FCRL1: variants seen among roughly 807,000 people sequenced by gnomAD.
The protein encoded by FCRL1 is Fc receptor-like protein 1.
A neutral mutation model predicts 49.2 loss-of-function variants in FCRL1; 34 were observed. The observed-to-expected ratio is 0.69, with a 90% CI of 0.53 to 0.92. The LOEUF (loss-of-function observed/expected upper bound fraction) is 0.92, where lower values mean the gene tolerates loss of function less well. Among genes scored for constraint, FCRL1 ranks in the 40% least tolerant of loss-of-function variants. FCRL1 has a pLI of 0.00. For missense variants in FCRL1, 524 were observed against 524.1 expected (o/e 1.00, Z 0.00); for synonymous variants, 218 against 201.6 (o/e 1.08, Z -0.69).
At chr1:157,797,534 G>A (rs929030880) in intron 9 of FCRL1, 9 of 598,742 alleles carry the variant, frequency 1.5e-5, no homozygotes, top group Admixed American at 8.9e-5. Flanking sequence ...TAAAATGTAG[G>A]CCATACAATG....
chr1:157,812,320 C>A (rs547251978), intron 1 of FCRL1, among the ~76,000 whole-genome samples: 26 of 152,256 alleles, frequency 1.7e-4, no homozygotes, highest in Admixed American at 1.4e-3. Flanking sequence ...AGAGCCAAAG[C>A]CACAACTGCA....
chr1:157,814,248 T>C (rs148490666), intron 1 of FCRL1, among the ~76,000 whole-genome samples: 6 of 152,168 alleles, frequency 3.9e-5, no homozygotes, highest in African/African-American at 1.4e-4. Context: ...TGGTTAAAAG[T>C]CAAAATGGTC....
chr1:157,819,947 C>T, intron 1 of FCRL1, 60 bp downstream of exon 1: 1 of 1,605,488 alleles, frequency 6.2e-7, no homozygotes, highest in Non-Finnish European at 8.5e-7. Context: ...TACAGCCCTT[C>T]AGGAAGCAGA....
intron 7 of FCRL1, 79 bp downstream of exon 7, chr1:157,799,979 C>G: frequency 7.3e-7 from 1 of 1,364,682 alleles, no homozygotes; most frequent in Middle Eastern, 1.9e-4. Flanking sequence ...AAAAAATGCT[C>G]AGGAGAGAAC....
At chr1:157,807,255 CCT>C in intron 1 of FCRL1, 133 bp from the exon 2 acceptor site, 1 of 755,490 alleles carries the variant, frequency 1.3e-6, no homozygotes, top group Non-Finnish European at 2.1e-6. Context: ...TCTCTTCCTC[CCT>C]CTTTCCCTCT....
intron 6 of FCRL1, among the ~76,000 whole-genome samples, chr1:157,801,193 T>G (rs2101832871): frequency 6.6e-6 from 1 of 152,250 alleles, no homozygotes; most frequent in South Asian, 2.1e-4. Flanking sequence ...CCCGGCCAAA[T>G]CATTACATTT....
chr1:157,797,917 C>T lies in FCRL1; in HGVS notation c.1137G>A (p.Glu379=), dbSNP rs780778901. Residue 379 remains glutamate, a synonymous_variant, in exon 9 of 11, where the codon GAG becomes GAA. Coordinates refer to ENST00000368176, the MANE Select transcript of FCRL1 (RefSeq NM_052938.5). ...YENVNVVSGD[E]VYSLAYYNQP... ...GGTTATAGTACGCCAGTGAATAAAC[C>T]TCATCCCCACTTACAACATTCACTG... The T allele has an allele frequency of 6.2e-7, 1 of 1,614,166 alleles. No individual in the cohort carries two copies. Among genetic ancestry groups the T allele is most frequent in the Non-Finnish European group, 8.5e-7 (1 of 1,180,028 alleles).
intron 3 of FCRL1, 86 bp downstream of exon 3, chr1:157,803,759 G>C: frequency 1.3e-6 from 2 of 1,492,304 alleles, no homozygotes; most frequent in Non-Finnish European, 1.8e-6. Flanking sequence ...TACTCTTGCA[G>C]AGATAGAACC....
intron 1 of FCRL1, among the ~76,000 whole-genome samples, chr1:157,812,121 C>G (rs967413125): frequency 6.6e-6 from 1 of 152,182 alleles, no homozygotes; most frequent in Non-Finnish European, 1.5e-5. Flanking sequence ...CAGCCTGGCA[C>G]CTCACCCCTG....
intron 1 of FCRL1, among the ~76,000 whole-genome samples, chr1:157,808,131 G>T (rs1653758055): frequency 6.6e-6 from 1 of 152,204 alleles, no homozygotes; most frequent in South Asian, 2.1e-4. Context: ...TGTCCATACA[G>T]CAAATAATTT....
intron 7 of FCRL1, 110 bp from the exon 8 acceptor site, chr1:157,798,353 G>A: frequency 1.1e-6 from 1 of 919,280 alleles, no homozygotes; most frequent in Non-Finnish European, 1.6e-6. Flanking sequence ...AGAATACTAA[G>A]TTACGGGGAA....
At chr1:157,805,661 C>G (rs1353533744) in intron 2 of FCRL1, among the ~76,000 whole-genome samples, 1 of 152,122 alleles carries the variant, frequency 6.6e-6, no homozygotes, top group African/African-American at 2.4e-5. Context: ...TTTGGGAGGC[C>G]GAGCCTGGTG....
At chr1:157,806,202 T>A (rs1032965418) in intron 2 of FCRL1, among the ~76,000 whole-genome samples, 1 of 152,184 alleles carries the variant, frequency 6.6e-6, no homozygotes, top group Non-Finnish European at 1.5e-5. Flanking sequence ...ACACAAGTCA[T>A]CAGTTATACT....
chr1:157,803,861 G>A lies in FCRL1; in HGVS notation c.303C>T (p.Ser101=), dbSNP rs752100804. 8.1e-5 allele frequency: 130 copies of A among 1,613,944 alleles called. No homozygotes were observed. The highest frequency in any genetic ancestry group is 5.7e-5 in the Non-Finnish European group (67 of 1,179,974). The change falls in exon 3 of 11, where the codon TCC becomes TCT. Residue 101 remains serine, a synonymous_variant. Coordinates refer to ENST00000368176, the MANE Select transcript of FCRL1 (RefSeq NM_052938.5). ...MASKVLRSRR[S]QINVHRVPVA... ...GACACTCACTGTGCACATTTATCTG[G>A]GATCTCCTGCTCCTCAAGACTTTGG... is the stretch of plus-strand genomic sequence containing the variant.
At chr1:157,808,735 A>G (rs907047478) in intron 1 of FCRL1, among the ~76,000 whole-genome samples, 2 of 152,212 alleles carry the variant, frequency 1.3e-5, no homozygotes, top group African/African-American at 4.8e-5. Flanking sequence ...GTTAGTGGGA[A>G]TTTAGTGTAG....
At position 157,803,898 on chromosome 1, in the gene FCRL1, T is replaced by G; in HGVS notation, c.266A>C (p.Gln89Pro). The change falls in exon 3 of 11, where the codon CAG (glutamine) becomes CCG (proline). Residue 89 changes from glutamine (Q) to proline (P), a missense_variant. Physicochemically the swap from Gln to Pro is moderately conservative, Grantham distance 76. Coordinates refer to ENST00000368176, the MANE Select transcript of FCRL1 (RefSeq NM_052938.5). Reference sequence around the variant, plus strand: ...CCTCAAGACTTTGGACGCCATTGTCTGTGCCTCGCACCAGTATGACCCTGT... The same window carrying G: ...CCTCAAGACTTTGGACGCCATTGTCGGTGCCTCGCACCAGTATGACCCTGT... ...EDTGSYWCEA[Q>P]TMASKVLRSR... 1 of 1,614,224 alleles carries G rather than the reference T, an allele frequency of 6.2e-7. No individual in the cohort carries two copies. The highest frequency in any genetic ancestry group is 8.5e-7 in the Non-Finnish European group (1 of 1,180,030).
intron 1 of FCRL1, among the ~76,000 whole-genome samples, chr1:157,815,004 T>G (rs1247418145): frequency 1.3e-5 from 2 of 151,948 alleles, no homozygotes; most frequent in Non-Finnish European, 2.9e-5. Flanking sequence ...AATATAATAA[T>G]AGTAGGGGAC....
At chr1:157,804,254 C>CA (rs955578099) in intron 2 of FCRL1, 143 bp from the exon 3 acceptor site, 7 of 937,692 alleles carry the variant, frequency 7.5e-6, no homozygotes, top group East Asian at 2.6e-5. Context: ...CCACCCCCCC[C>CA]CCAGTGGCCC....
intron 1 of FCRL1, among the ~76,000 whole-genome samples, chr1:157,816,784 A>AATGG (rs1553220703): frequency 6.8e-6 from 1 of 147,362 alleles, no homozygotes; most frequent in East Asian, 2.0e-4. Flanking sequence ...GTTGCTGGAT[A>AATGG]ATAGATAGAT....
Sources: gnomAD v4.1 joint callset for allele counts (sites outside exome capture counted in the v4.1 genomes callset) on GRCh38, gnomAD v4.1.1 for gene constraint, MANE v1.5 for transcripts, NCBI Gene and HGNC (gene_info 2026-07-23, HGNC 2026-07-21) for gene names.